The following SHROOM3 variants were observed in gnomAD, a reference collection of about 807,000 sequenced individuals.
SHROOM3 encodes protein Shroom3.
A neutral mutation model predicts 138.6 loss-of-function variants in SHROOM3; 47 were observed. That is an observed-to-expected ratio of 0.34 (90% confidence interval 0.27 to 0.43). SHROOM3 has a LOEUF of 0.43. SHROOM3 is among the 20% of genes least tolerant of loss of function. SHROOM3 has a pLI of 1.00. For missense variants in SHROOM3, 2,491 were observed against 2,596.5 expected, an observed-to-expected ratio of 0.96 and a Z score of 0.88; for synonymous variants, 1,062 against 1,063.3, an observed-to-expected ratio of 1.00 and a Z score of 0.02.
At chr4:76,763,635 G>A (rs1468415221) in intron 9 of SHROOM3, among the ~76,000 whole-genome samples, 1 of 152,152 alleles carries the variant, frequency 6.6e-6, no homozygotes, top group Non-Finnish European at 1.5e-5. Context: ...AGATGAGGCT[G>A]GAAGGGTTCA....
chr4:76,680,204 A>C (rs1719151109), intron 2 of SHROOM3, among the ~76,000 whole-genome samples: 1 of 149,366 alleles, frequency 6.7e-6, no homozygotes, highest in Non-Finnish European at 1.5e-5. Flanking sequence ...ACAGTGGCGC[A>C]ATCTCTTCTC....
intron 1 of SHROOM3, among the ~76,000 whole-genome samples, chr4:76,465,112 A>G (rs532162166): frequency 1.3e-5 from 2 of 152,346 alleles, no homozygotes; most frequent in South Asian, 4.1e-4. Flanking sequence ...AAAAAGGTCA[A>G]ACTTCACTTG....
At chr4:76,663,117 C>T (rs1718589134) in intron 2 of SHROOM3, among the ~76,000 whole-genome samples, 1 of 152,172 alleles carries the variant, frequency 6.6e-6, no homozygotes, top group Admixed American at 6.5e-5. Flanking sequence ...ATAAAAGTCT[C>T]TGGAAATCTA....
At chr4:76,537,022 A>G (rs1732966715) in intron 1 of SHROOM3, among the ~76,000 whole-genome samples, 1 of 152,176 alleles carries the variant, frequency 6.6e-6, no homozygotes, top group Non-Finnish European at 1.5e-5. Context: ...CTGAGGCAGG[A>G]GAATCACTTG....
chr4:76,635,846 G>C (rs796610152), intron 2 of SHROOM3, among the ~76,000 whole-genome samples: 2 of 152,188 alleles, frequency 1.3e-5, no homozygotes, highest in South Asian at 4.1e-4. Flanking sequence ...AGAACTCCAG[G>C]GAAACTGCTG....
chr4:76,546,595 A>G (rs1438842222), intron 1 of SHROOM3, among the ~76,000 whole-genome samples: 1 of 152,204 alleles, frequency 6.6e-6, no homozygotes, highest in African/African-American at 2.4e-5. Flanking sequence ...AGTAATGACA[A>G]TTTCCAGACA....
At chr4:76,445,095 CAA>C (rs35001806) in intron 1 of SHROOM3, among the ~76,000 whole-genome samples, 44,881 of 119,406 alleles carry the variant, frequency 0.38, 7,890 homozygotes, top group Non-Finnish European at 0.47. Context: ...GACATTGTCT[CAA>C]AAAAAAAAAA....
At chr4:76,496,185 G>A (rs1448142109) in intron 1 of SHROOM3, among the ~76,000 whole-genome samples, 1 of 152,250 alleles carries the variant, frequency 6.6e-6, no homozygotes, top group Non-Finnish European at 1.5e-5. Context: ...AGGTGTGTGA[G>A]TGAATTGGAG....
At chr4:76,689,048 A>G (rs758891100) in intron 2 of SHROOM3, 105 of 646,986 alleles carry the variant, frequency 1.6e-4, no homozygotes, top group Admixed American at 2.5e-4. Context: ...AGCCTCTGAA[A>G]AGCGAGCGCG....
chr4:76,653,234 C>T (rs1276421995), intron 2 of SHROOM3, among the ~76,000 whole-genome samples: 1 of 151,970 alleles, frequency 6.6e-6, no homozygotes, highest in African/African-American at 2.4e-5. Context: ...CTTCCATGTG[C>T]CAGACCTTGT....
At chr4:76,639,737 C>T (rs1011368878) in intron 2 of SHROOM3, 2 of 396,580 alleles carry the variant, frequency 5.0e-6, no homozygotes, top group African/African-American at 4.1e-5. Flanking sequence ...GACACCACTA[C>T]AGCGTTACTC....
chr4:76,645,673 T>C (rs948563383), intron 2 of SHROOM3: 1 of 152,216 alleles, frequency 6.6e-6, no homozygotes, highest in Non-Finnish European at 1.5e-5. Flanking sequence ...TGAAATAAAG[T>C]AATTGTTTCC....
At chr4:76,529,288 GGGC>G in intron 1 of SHROOM3, among the ~76,000 whole-genome samples, 1 of 152,094 alleles carries the variant, frequency 6.6e-6, no homozygotes, top group East Asian at 1.9e-4. Flanking sequence ...TGTTGGCTTA[GGGC>G]TCTCCATGAG....
At chr4:76,455,191 T>C (rs767408266) in intron 1 of SHROOM3, among the ~76,000 whole-genome samples, 7 of 152,124 alleles carry the variant, frequency 4.6e-5, no homozygotes, top group Non-Finnish European at 1.0e-4. Flanking sequence ...ATACAAGTGG[T>C]AAAAGTGGAT....
intron 2 of SHROOM3, among the ~76,000 whole-genome samples, chr4:76,594,830 G>T (rs1397906885): frequency 2.6e-5 from 4 of 152,184 alleles, no homozygotes; most frequent in Admixed American, 2.6e-4. Flanking sequence ...AAGGAAGCCT[G>T]AATCTTGACA....
rs760025476 is a variant in SHROOM3 at position 76,778,802 on chromosome 4, CT to C, written c.5623-6del. On this transcript the variant is annotated splice_region_variant and splice_polypyrimidine_tract_variant and intron_variant, in intron 10 of 10. Transcript: ENST00000296043. Reference sequence around the variant, plus strand: ...CCTTCATTGATCTGTCCAATTTTCCCTGGCAGAGCTCTCTTTACGAGAAAAG... The same window carrying C: ...CCTTCATTGATCTGTCCAATTTTCCCGGCAGAGCTCTCTTTACGAGAAAAG... The C allele has an allele frequency of 6.2e-7, 1 of 1,612,150 alleles. No individual in the cohort carries two copies. The highest frequency in any genetic ancestry group is 1.7e-5 in the Admixed American group (1 of 60,026).
intron 1 of SHROOM3, among the ~76,000 whole-genome samples, chr4:76,547,014 A>C (rs1373595642): frequency 6.6e-6 from 1 of 152,208 alleles, no homozygotes; most frequent in East Asian, 1.9e-4. Context: ...TGATGTAGCA[A>C]GGTCAGCTTC....
chr4:76,550,500 A>C (rs946812963), intron 1 of SHROOM3, among the ~76,000 whole-genome samples: 2 of 152,130 alleles, frequency 1.3e-5, no homozygotes, highest in African/African-American at 4.8e-5. Flanking sequence ...TATTTGGAGG[A>C]AAAAAGGAGG....
At chr4:76,627,732 G>A (rs1373034929) in intron 2 of SHROOM3, among the ~76,000 whole-genome samples, 1 of 151,346 alleles carries the variant, frequency 6.6e-6, no homozygotes, top group Admixed American at 6.6e-5. Context: ...CTATTCATAG[G>A]CATGATCATC....
Sources: allele counts gnomAD v4.1 joint callset (sites outside exome capture counted in the v4.1 genomes callset), GRCh38; gene constraint gnomAD v4.1.1; transcripts MANE v1.5; gene names NCBI Gene and HGNC (gene_info 2026-07-23, HGNC 2026-07-21).